The following ICMT variants were observed in gnomAD, a reference collection of about 807,000 sequenced individuals.
The protein encoded by ICMT is protein-S-isoprenylcysteine O-methyltransferase.
ICMT carries 10 observed loss-of-function variants against 32.2 expected under a neutral mutation model. That is an observed-to-expected ratio of 0.31 (90% CI 0.19 to 0.53). ICMT has a LOEUF of 0.53. Among genes scored for constraint, ICMT ranks in the 20% least tolerant of loss-of-function variants. The pLI is 0.96. For synonymous variants in ICMT, 183 were observed against 158.2 expected (o/e 1.16, Z -1.18); for missense variants, 265 against 356.9 (o/e 0.74, Z 2.07).
rs565629581 is a variant in ICMT, at chr1:6,235,646, G to A, written c.195+71C>T. 9.6e-5 allele frequency: 99 copies of A among 1,026,664 alleles called. 2 individuals carry two copies. In the South Asian group the frequency reaches 3.8e-3, roughly 39 times the overall value. The allele number at this position is 1,026,664 out of a possible 1,614,324, so 63.6% of individuals were successfully genotyped here. ...GGCCACTGCGGGCCCGGGGAGAAAG[G>A]TGCCCACGCGCCGCGCCAAGCGGAC... On this transcript the variant is annotated intron_variant, in intron 1 of 4. Coordinates refer to ENST00000343813, the MANE Select transcript of ICMT (RefSeq NM_012405.4).
intron 1 of ICMT, 106 bp downstream of exon 1, chr1:6,235,611 G>C: frequency 1.4e-6 from 1 of 729,484 alleles, no homozygotes; most frequent in Non-Finnish European, 1.8e-6. Flanking sequence ...TGAAGAGCGC[G>C]CGCGTGGGAG....
In ICMT at chr1:6,225,224, G is replaced by A. The variant is rs202193560; in HGVS notation, c.711C>T (p.Ala237=). The A allele has an allele frequency of 4.6e-5, 75 of 1,613,950 alleles. No homozygotes were observed. The highest frequency in any genetic ancestry group is 6.3e-5 in the Non-Finnish European group (74 of 1,180,004). ...CGCGGAAGAATCGCCACACTGTCAG[G>A]GCATAGCTGACGCCGCAGATGGGGT... ...LCNPICGVSY[A]LTVWRFFRDR... The change falls in exon 5 of 5, where the codon GCC becomes GCT. Residue 237 remains alanine (A), a synonymous_variant. Coordinates refer to ENST00000343813, the MANE Select transcript of ICMT (RefSeq NM_012405.4).
chr1:6,235,841 C>T lies in ICMT; in HGVS notation c.71G>A (p.Gly24Asp). ...ARLSLATFLLGASVLALPLLT... is the reference protein window; with the variant it reads ...ARLSLATFLLDASVLALPLLT... ...CAGCGGCAGCGCGAGCACCGAGGCGCCCAGCAGGAAGGTGGCGAGGCTGAG... is the reference window on the plus strand; with the variant it reads ...CAGCGGCAGCGCGAGCACCGAGGCGTCCAGCAGGAAGGTGGCGAGGCTGAG... Residue 24 changes from glycine (G) to aspartate (D), a missense_variant, in exon 1 of 5, where the codon GGC becomes GAC. This residue lies in a region of ICMT where 99 missense variants were observed against 92.6 expected (regional missense o/e 1.07). Coordinates refer to ENST00000343813, the MANE Select transcript of ICMT (RefSeq NM_012405.4). 7.8e-7 allele frequency: 1 copy of T among 1,282,284 alleles called. No homozygotes were observed. The highest frequency in any genetic ancestry group is 4.1e-5 in the East Asian group (1 of 24,666). The allele number at this position is 1,282,284 out of a possible 1,614,324, so 79.4% of individuals were successfully genotyped here. A position where few individuals can be genotyped will look rare whatever the true frequency, so the allele number is the denominator to read the frequency against.
At chr1:6,234,266 C>G in intron 2 of ICMT, 1 of 354,944 alleles carries the variant, frequency 2.8e-6, no homozygotes, top group Non-Finnish European at 5.5e-6. Flanking sequence ...ACACTACACA[C>G]AATAAAACAT....
intron 1 of ICMT, 37 bp downstream of exon 1, chr1:6,235,680 G>GCCCCGCCGGA: frequency 8.7e-7 from 1 of 1,146,708 alleles, no homozygotes; most frequent in Non-Finnish European, 1.1e-6. Flanking sequence ...ACCGCCGCCC[G>GCCCCGCCGGA]CCCCGCCGGC....
chr1:6,233,746 G>A, intron 2 of ICMT, 103 bp from the exon 3 acceptor site: 2 of 876,286 alleles, frequency 2.3e-6, no homozygotes, highest in Non-Finnish European at 3.5e-6. Flanking sequence ...ATGAGGCCCT[G>A]TTCTCACCTG....
chr1:6,223,849 T>A lies in ICMT; in HGVS notation c.*1231A>T, dbSNP rs1269414434. ...TCTTCAGTGCCACCGCAACACTGCA[T>A]GGCAGGATCTCACGCTGAGGCCAAG... On this transcript the variant is annotated 3_prime_UTR_variant, in exon 5 of 5. Transcript: ENST00000343813. 1 of 152,248 alleles carries A rather than the reference T, an allele frequency of 6.6e-6. No individual in the cohort carries two copies. The highest frequency in any genetic ancestry group is 6.5e-5 in the Admixed American group (1 of 15,278). The allele number at this position is 152,248 out of a possible 1,614,324, so 9.4% of individuals were successfully genotyped here. A position where few individuals can be genotyped will look rare whatever the true frequency, so the allele number is the denominator to read the frequency against.
At chr1:6,234,356 A>G (rs1668783077) in intron 2 of ICMT, 1 of 401,478 alleles carries the variant, frequency 2.5e-6, no homozygotes, top group African/African-American at 2.1e-5. Context: ...TCCGGCAAAG[A>G]AGGATTAGAT....
intron 3 of ICMT, among the ~76,000 whole-genome samples, chr1:6,233,047 G>A (rs1668762249): frequency 6.6e-6 from 1 of 151,352 alleles, no homozygotes; most frequent in Non-Finnish European, 1.5e-5. Flanking sequence ...GTAGAGACGG[G>A]GTTTCACCAT....
Position 6,235,766 on chromosome 1 carries a change from G to A in ICMT, c.146C>T (p.Ala49Val). 7.4e-7 allele frequency: 1 copy of A among 1,343,324 alleles called. No homozygotes were observed. The highest frequency in any genetic ancestry group is 9.6e-7 in the Non-Finnish European group (1 of 1,037,750). 83.2% of individuals were successfully genotyped at this position (1,343,324 alleles called of 1,614,324 possible). Residue 49 changes from alanine to valine, a missense_variant, in exon 1 of 5, where the codon GCC becomes GTC. Physicochemically the swap from Ala to Val is moderately conservative, Grantham distance 64 (BLOSUM62 0). This residue lies in a region of ICMT where 99 missense variants were observed against 92.6 expected (regional missense o/e 1.07). Transcript: ENST00000343813. ...QGRTGLALYV[A>V]GLNALLLLLY... ...CAGCAGCAGCAGCGCGTTGAGCCCGGCCACGTAGAGCGCCAGCCCGGTGCG... is the reference window on the plus strand; with the variant it reads ...CAGCAGCAGCAGCGCGTTGAGCCCGACCACGTAGAGCGCCAGCCCGGTGCG...
Position 6,224,821 on chromosome 1 carries a change from C to T in ICMT, c.*259G>A, listed in dbSNP as rs551019415. 5.4e-5 allele frequency: 23 copies of T among 427,264 alleles called. No homozygotes were observed. Among genetic ancestry groups the T allele is most frequent in the African/African-American group, 1.4e-4 (7 of 49,204 alleles). The allele number at this position is 427,264 out of a possible 1,614,324, so 26.5% of individuals were successfully genotyped here. ...GTCCTCCCCAGGTAACTCTGGAGGG[C>T]GCTGTGGAATATTGCTGTGATTTGC... On this transcript the variant is annotated 3_prime_UTR_variant, in exon 5 of 5. Transcript: ENST00000343813.
At chr1:6,233,846 G>GTGTTT (rs571736779) in intron 2 of ICMT, among the ~76,000 whole-genome samples, 6 of 152,014 alleles carry the variant, frequency 3.9e-5, no homozygotes, top group African/African-American at 4.8e-5. Context: ...TTTGTTTCTG[G>GTGTTT]TGTTTTGTTT....
At chr1:6,232,920 C>T (rs1316115311) in intron 3 of ICMT, among the ~76,000 whole-genome samples, 3 of 151,274 alleles carry the variant, frequency 2.0e-5, no homozygotes, top group Non-Finnish European at 4.4e-5. Context: ...TGCAGTGGCG[C>T]GATCACGGCT....
intron 4 of ICMT, among the ~76,000 whole-genome samples, chr1:6,231,544 C>CAAA (rs35257483): frequency 7.7e-6 from 1 of 129,836 alleles, no homozygotes; most frequent in African/African-American, 2.7e-5. Context: ...CTGTCTCTAC[C>CAAA]AAAAAAAAAA....
chr1:6,235,798 C>T lies in ICMT; in HGVS notation c.114G>A (p.Leu38=), dbSNP rs1201475036. Residue 38 remains leucine, a synonymous_variant, in exon 1 of 5, where the codon CTG becomes CTA. Transcript: ENST00000343813. ...LALPLLTRAG[L]QGRTGLALYV... is the part of the protein sequence containing the mutation. ...AGAGCGCCAGCCCGGTGCGGCCCTG[C>T]AGGCCGGCGCGCGTGAGCAGCGGCA... The T allele has an allele frequency of 2.3e-6, 3 of 1,326,566 alleles. No homozygotes were observed. Among genetic ancestry groups the T allele is most frequent in the East Asian group, 3.8e-5 (1 of 26,146 alleles). 82.2% of individuals were successfully genotyped at this position (1,326,566 alleles called of 1,614,324 possible).
At chr1:6,229,723 A>G (rs1668700845) in intron 4 of ICMT, among the ~76,000 whole-genome samples, 1 of 151,960 alleles carries the variant, frequency 6.6e-6, no homozygotes, top group Non-Finnish European at 1.5e-5. Context: ...AATGCACTAT[A>G]GCCTGGGTGA....
At chr1:6,233,156 T>C (rs1322962971) in intron 3 of ICMT, among the ~76,000 whole-genome samples, 1 of 152,212 alleles carries the variant, frequency 6.6e-6, no homozygotes, top group Non-Finnish European at 1.5e-5. Flanking sequence ...GCCCGGCCAG[T>C]AAACTCTTAC....
At chr1:6,230,209 G>C (rs1182205004) in intron 4 of ICMT, among the ~76,000 whole-genome samples, 3 of 152,138 alleles carry the variant, frequency 2.0e-5, no homozygotes, top group Non-Finnish European at 4.4e-5. Flanking sequence ...CCACCTCCCA[G>C]GTTCAAGCGG....
chr1:6,225,584 C>T (rs757966986), intron 4 of ICMT, among the ~76,000 whole-genome samples: 2 of 151,946 alleles, frequency 1.3e-5, no homozygotes. Context: ...GTCCCATGCA[C>T]GCTGCCTTCC....
Sources: gnomAD v4.1 joint callset for allele counts (sites outside exome capture counted in the v4.1 genomes callset) on GRCh38, gnomAD v4.1.1 for gene constraint, gnomAD v4.1.1 regional missense constraint, MANE v1.5 for transcripts, NCBI Gene and HGNC (gene_info 2026-07-23, HGNC 2026-07-21) for gene names.